The following DACH1 variants were observed in gnomAD, a reference collection of about 807,000 sequenced individuals.
The protein encoded by DACH1 is dachshund family transcription factor 1.
DACH1 carries 12 observed loss-of-function variants against 54.2 expected under a neutral mutation model. The ratio of observed to expected loss-of-function variants is 0.22; its 90% CI spans 0.14 to 0.36. DACH1 has a LOEUF of 0.36. Among genes scored for constraint, DACH1 ranks in the 10% least tolerant of loss-of-function variants. The probability of loss-of-function intolerance (pLI) is 1.00; values close to 1 mark genes in which losing one functional copy is unlikely to be tolerated. For missense variants in DACH1, 805 were observed against 929.8 expected (o/e 0.87, Z 1.75); for synonymous variants, 386 against 366.2 (o/e 1.05, Z -0.62).
At chr13:71,649,740 T>C (rs1878545885) in intron 2 of DACH1, among the ~76,000 whole-genome samples, 2 of 152,210 alleles carry the variant, frequency 1.3e-5, no homozygotes, top group African/African-American at 2.4e-5. Flanking sequence ...ATTTTCACTA[T>C]ACACATCTTG....
At chr13:71,455,363 T>A (rs1034987415) in intron 10 of DACH1, among the ~76,000 whole-genome samples, 1 of 152,126 alleles carries the variant, frequency 6.6e-6, no homozygotes, top group Non-Finnish European at 1.5e-5. Context: ...TATAGATAGA[T>A]ATATCCATAT....
intron 1 of DACH1, among the ~76,000 whole-genome samples, chr13:71,697,089 G>A (rs969336788): frequency 1.3e-5 from 2 of 151,988 alleles, no homozygotes; most frequent in Admixed American, 1.3e-4. Flanking sequence ...CTTCAGTGTT[G>A]TTCAGAAATA....
intron 1 of DACH1, among the ~76,000 whole-genome samples, chr13:71,811,629 G>GCTTAATACATAGTATTAAGTATA: frequency 6.6e-6 from 1 of 152,216 alleles, no homozygotes; most frequent in Admixed American, 6.5e-5. Flanking sequence ...GTATACTTAG[G>GCTTAATACATAGTATTAAGTATA]CTTTGGGTTC....
chr13:71,714,408 A>G (rs1882876952), intron 1 of DACH1, among the ~76,000 whole-genome samples: 1 of 152,156 alleles, frequency 6.6e-6, no homozygotes, highest in South Asian at 2.1e-4. Context: ...ATATTTTTCC[A>G]GAATTACAAA....
intron 1 of DACH1, among the ~76,000 whole-genome samples, chr13:71,802,409 T>A (rs1172515748): frequency 6.6e-6 from 1 of 152,090 alleles, no homozygotes; most frequent in Non-Finnish European, 1.5e-5. Flanking sequence ...TCATTATTAA[T>A]TTATATGCTA....
intron 10 of DACH1, among the ~76,000 whole-genome samples, chr13:71,473,367 T>C (rs1877250036): frequency 6.6e-6 from 1 of 152,202 alleles, no homozygotes; most frequent in African/African-American, 2.4e-5. Context: ...ACTGTATTCC[T>C]CCACTGGTAA....
intron 1 of DACH1, among the ~76,000 whole-genome samples, chr13:71,820,226 C>A (rs1047801015): frequency 2.0e-5 from 3 of 151,900 alleles, no homozygotes; most frequent in Non-Finnish European, 4.4e-5. Flanking sequence ...TACTGCACTG[C>A]CCGAGAGATT....
At chr13:71,653,457 A>C (rs1031902312) in intron 2 of DACH1, among the ~76,000 whole-genome samples, 1 of 152,294 alleles carries the variant, frequency 6.6e-6, no homozygotes, top group Middle Eastern at 3.4e-3. Flanking sequence ...GGCTCTTTGA[A>C]TTTTCAGACT....
At chr13:71,504,020 C>G (rs1880123833) in intron 6 of DACH1, among the ~76,000 whole-genome samples, 1 of 152,142 alleles carries the variant, frequency 6.6e-6, no homozygotes, top group African/African-American at 2.4e-5. Flanking sequence ...TATTTTGCAA[C>G]TCTCAGAGCA....
chr13:71,831,842 C>T (rs919302117), intron 1 of DACH1, among the ~76,000 whole-genome samples: 1 of 151,860 alleles, frequency 6.6e-6, no homozygotes, highest in South Asian at 2.1e-4. Context: ...TTTGCAAACA[C>T]ACACTGGAGC....
In DACH1 at chr13:71,473,183, G is replaced by T. The variant is rs200029797; in HGVS notation, c.2083+1958C>A. ...TTATTAAAAAACAACTGTACATTTT[G>T]ACCAGTACAACAATGGACAGGCTGA... On this transcript the variant is annotated intron_variant, in intron 10 of 10. Coordinates refer to ENST00000613252, the MANE Select transcript of DACH1 (RefSeq NM_080759.6). Among the ~76,000 whole-genome samples the T allele has an allele frequency of 7.9e-5, 12 of 152,262 alleles. No homozygotes were observed. In the East Asian group the frequency reaches 2.1e-3, roughly 27 times the overall value.
At chr13:71,827,668 T>C (rs981034631) in intron 1 of DACH1, among the ~76,000 whole-genome samples, 2 of 152,098 alleles carry the variant, frequency 1.3e-5, no homozygotes, top group Admixed American at 6.6e-5. Flanking sequence ...TCACCTTCAA[T>C]GTGACAGTGC....
intron 10 of DACH1, among the ~76,000 whole-genome samples, chr13:71,451,059 C>T (rs1029450349): frequency 6.6e-6 from 1 of 152,028 alleles, no homozygotes; most frequent in Non-Finnish European, 1.5e-5. Flanking sequence ...TGATGATAAT[C>T]ATCATCATCA....
At chr13:71,577,035 G>A (rs140457712) in intron 3 of DACH1, among the ~76,000 whole-genome samples, 3 of 152,192 alleles carry the variant, frequency 2.0e-5, no homozygotes, top group Non-Finnish European at 4.4e-5. Context: ...GATCCTTCAA[G>A]GGAATCCTTA....
At chr13:71,666,568 A>G (rs1027128948) in intron 2 of DACH1, among the ~76,000 whole-genome samples, 46 of 152,216 alleles carry the variant, frequency 3.0e-4, no homozygotes, top group African/African-American at 1.1e-3. Context: ...GATTTATTAT[A>G]AAAATAAATC....
chr13:71,523,262 C>A (rs754585461), intron 6 of DACH1, among the ~76,000 whole-genome samples: 2 of 152,070 alleles, frequency 1.3e-5, no homozygotes, highest in African/African-American at 2.4e-5. Flanking sequence ...ACAATGTATT[C>A]AGAATGAAAT....
intron 2 of DACH1, among the ~76,000 whole-genome samples, chr13:71,649,872 T>C (rs1878552994): frequency 1.3e-5 from 2 of 152,290 alleles, no homozygotes; most frequent in Non-Finnish European, 1.5e-5. Context: ...ACTTTGAATA[T>C]ATAGTCACTA....
chr13:71,489,322 C>G (rs1878799665), intron 6 of DACH1, among the ~76,000 whole-genome samples, 174 bp from the exon 7 acceptor site: 1 of 152,094 alleles, frequency 6.6e-6, no homozygotes, highest in Non-Finnish European at 1.5e-5. Context: ...GGAGATACAA[C>G]AAGATAACAT....
chr13:71,491,577 A>G (rs1373835570), intron 6 of DACH1, among the ~76,000 whole-genome samples: 1 of 152,214 alleles, frequency 6.6e-6, no homozygotes, highest in African/African-American at 2.4e-5. Context: ...CAATATGTAC[A>G]TAAGAAATTA....
Sources: allele counts gnomAD v4.1 joint callset (sites outside exome capture counted in the v4.1 genomes callset), GRCh38; gene constraint gnomAD v4.1.1; transcripts MANE v1.5; gene names NCBI Gene and HGNC (gene_info 2026-07-23, HGNC 2026-07-21).